Variants in KCNQ1OT1 observed in about 807,000 individuals in gnomAD.
KCNQ1OT1 encodes KCNQ1 opposite strand/antisense transcript 1, also known as KCNQ1 antisense RNA 2 (non-protein coding).
rs1590025224 is a variant in KCNQ1OT1, at chr11:2,676,168, C to T, written n.23827G>A. On this transcript the variant is annotated non_coding_transcript_exon_variant, in exon 1 of 1. Coordinates refer to ENST00000597346, the Ensembl canonical transcript of KCNQ1OT1. This position sits in a 1 kb window ranked among gnomAD's most constrained non-coding sequence, Gnocchi z 4.2. ...ACTGTATGTATTTTTCTACACTTTG[C>T]CTTTGACTTCTTCCATAGGTATGCC... The T allele has an allele frequency of 5.0e-6, 2 of 398,388 alleles. No homozygotes were observed. The highest frequency in any genetic ancestry group is 2.5e-4 in the South Asian group (2 of 7,864). The allele number at this position is 398,388 out of a possible 1,614,324, so 24.7% of individuals were successfully genotyped here. A position where few individuals can be genotyped will look rare whatever the true frequency, so the allele number is the denominator to read the frequency against.
At chr11:2,644,835 G>A (rs1849642012) in exon 1 of KCNQ1OT1, 1 of 398,582 alleles carries the variant, frequency 2.5e-6, no homozygotes, top group Admixed American at 4.4e-5. Flanking sequence ...TAGTGTCTGG[G>A]AGTTCCTCTG....
At chr11:2,699,102 C>T (rs1028251946) in exon 1 of KCNQ1OT1, 3 of 398,530 alleles carry the variant, frequency 7.5e-6, no homozygotes, top group East Asian at 3.6e-5. Flanking sequence ...CCCAATAGCG[C>T]GGACTCAGAA....
rs1217623182 is a variant in KCNQ1OT1, at chr11:2,690,363, A to T, written n.9632T>A. On this transcript the variant is annotated non_coding_transcript_exon_variant, in exon 1 of 1. Transcript: ENST00000597346. The surrounding 1 kb of genome is among the most constrained non-coding windows in gnomAD (Gnocchi z 5.1). ...CTGCCCTGCAGCTGCTGTTTCCACT[A>T]CTTGGCATGGAACATGTGCCAGACC... 5.0e-6 allele frequency: 2 copies of T among 398,514 alleles called. No individual in the cohort carries two copies. Among genetic ancestry groups the T allele is most frequent in the Non-Finnish European group, 8.8e-6 (2 of 226,098 alleles). 24.7% of individuals were successfully genotyped at this position (398,514 alleles called of 1,614,324 possible).
chr11:2,661,539 C>G lies in KCNQ1OT1; in HGVS notation n.38456G>C. ...CTATCACCCCATCTTTCCTGACCCA[C>G]TACTCTGTCAATGTATGAGTGTGAC... On this transcript the variant is annotated non_coding_transcript_exon_variant, in exon 1 of 1. Transcript: ENST00000597346. The surrounding 1 kb of genome is among the most constrained non-coding windows in gnomAD (Gnocchi z 5.9). 2 of 501,524 alleles carry G rather than the reference C, an allele frequency of 4.0e-6. No homozygotes were observed. The highest frequency in any genetic ancestry group is 7.0e-6 in the Non-Finnish European group (2 of 285,014). The allele number at this position is 501,524 out of a possible 1,614,324, so 31.1% of individuals were successfully genotyped here.
At position 2,624,000 on chromosome 11, in the gene KCNQ1OT1, G is replaced by A. The variant is rs140622592; in HGVS notation, n.75995C>T. On this transcript the variant is annotated non_coding_transcript_exon_variant, in exon 1 of 1. Transcript: ENST00000597346. This position sits in a 1 kb window ranked among gnomAD's most constrained non-coding sequence, Gnocchi z 5.2. ...CTTTACATTCCCATTAATGGTATATGTCAAAGTGGCTGTACCATTTTGCAT... is the reference window on the plus strand; with the variant it reads ...CTTTACATTCCCATTAATGGTATATATCAAAGTGGCTGTACCATTTTGCAT... 7.5e-6 allele frequency: 3 copies of A among 399,042 alleles called. No homozygotes were observed. Among genetic ancestry groups the A allele is most frequent in the African/African-American group, 2.1e-5 (1 of 48,736 alleles). 24.7% of individuals were successfully genotyped at this position (399,042 alleles called of 1,614,324 possible). A position where few individuals can be genotyped will look rare whatever the true frequency, so the allele number is the denominator to read the frequency against.
exon 1 of KCNQ1OT1, chr11:2,632,564 G>A (rs1212849646): frequency 1.3e-5 from 5 of 398,056 alleles, no homozygotes; most frequent in Non-Finnish European, 1.8e-5. Context: ...AGATATTTAT[G>A]GGATATACAC....
rs1849262512 is a variant in KCNQ1OT1, at chr11:2,626,378, T to C, written n.73617A>G. The stretch of plus-strand genomic sequence containing the variant: ...GCACCATTTGTTGAAAATACAGCAC[T>C]TTCCCTATTGAATGGTCTTGGCACT... On this transcript the variant is annotated non_coding_transcript_exon_variant, in exon 1 of 1. Coordinates refer to ENST00000597346, the Ensembl canonical transcript of KCNQ1OT1. This position sits in a 1 kb window ranked among gnomAD's most constrained non-coding sequence, Gnocchi z 4.0. 2 of 398,518 alleles carry C rather than the reference T, an allele frequency of 5.0e-6. No homozygotes were observed. The allele number at this position is 398,518 out of a possible 1,614,324, so 24.7% of individuals were successfully genotyped here.
At chr11:2,693,442 C>A (rs992604225) in exon 1 of KCNQ1OT1, 22 of 398,522 alleles carry the variant, frequency 5.5e-5, no homozygotes, top group Non-Finnish European at 9.3e-5. Context: ...CGCTGGCCCC[C>A]CATCGAGTCC....
exon 1 of KCNQ1OT1, chr11:2,628,027 C>T: frequency 5.0e-6 from 2 of 398,672 alleles, no homozygotes; most frequent in Non-Finnish European, 8.8e-6. Flanking sequence ...ACTGGGATTA[C>T]AGGTACAAGC....
At position 2,658,440 on chromosome 11, in the gene KCNQ1OT1, T is replaced by C; in HGVS notation, n.41555A>G. On this transcript the variant is annotated non_coding_transcript_exon_variant, in exon 1 of 1. Coordinates refer to ENST00000597346, the Ensembl canonical transcript of KCNQ1OT1. This position sits in a 1 kb window ranked among gnomAD's most constrained non-coding sequence, Gnocchi z 4.9. Reference sequence around the variant, plus strand: ...TGTTCAAGCTGTGGCCACTGGTGGGTTCATGTGTCCTTTTGATGTGCCCCC... The same window carrying C: ...TGTTCAAGCTGTGGCCACTGGTGGGCTCATGTGTCCTTTTGATGTGCCCCC... The C allele has an allele frequency of 2.5e-6, 1 of 398,550 alleles. No homozygotes were observed. Among genetic ancestry groups the C allele is most frequent in the Non-Finnish European group, 4.4e-6 (1 of 226,044 alleles). The allele number at this position is 398,550 out of a possible 1,614,324, so 24.7% of individuals were successfully genotyped here. A position where few individuals can be genotyped will look rare whatever the true frequency, so the allele number is the denominator to read the frequency against.
chr11:2,662,456 G>T (rs1006411349), exon 1 of KCNQ1OT1: 12 of 477,976 alleles, frequency 2.5e-5, no homozygotes, highest in Non-Finnish European at 4.0e-5. Context: ...AAAGCCATGG[G>T]GCAGATGCCG....
Position 2,676,202 on chromosome 11 carries a change from T to G in KCNQ1OT1, n.23793A>C. The G allele has an allele frequency of 2.5e-6, 1 of 398,662 alleles. No homozygotes were observed. Among genetic ancestry groups the G allele is most frequent in the Non-Finnish European group, 4.4e-6 (1 of 226,070 alleles). The allele number at this position is 398,662 out of a possible 1,614,324, so 24.7% of individuals were successfully genotyped here. On this transcript the variant is annotated non_coding_transcript_exon_variant, in exon 1 of 1. Coordinates refer to ENST00000597346, the Ensembl canonical transcript of KCNQ1OT1. The surrounding 1 kb of genome is among the most constrained non-coding windows in gnomAD (Gnocchi z 4.2). ...TCTTCCATAGGTATGCCATACTTCTTTTTGAGCTGTACATACAATGCTGAT... is the reference window on the plus strand; with the variant it reads ...TCTTCCATAGGTATGCCATACTTCTGTTTGAGCTGTACATACAATGCTGAT...
chr11:2,627,828 G>A lies in KCNQ1OT1; in HGVS notation n.72167C>T, dbSNP rs181209905. 235 of 398,472 alleles carry A rather than the reference G, an allele frequency of 5.9e-4. 2 individuals carry two copies. The highest frequency in any genetic ancestry group is 4.4e-3 in the African/African-American group (212 of 48,720). The allele number at this position is 398,472 out of a possible 1,614,324, so 24.7% of individuals were successfully genotyped here. On this transcript the variant is annotated non_coding_transcript_exon_variant, in exon 1 of 1. Transcript: ENST00000597346. This position sits in a 1 kb window ranked among gnomAD's most constrained non-coding sequence, Gnocchi z 4.9. ...TACAGTGGCACAATCACAGTTCACT[G>A]TAGCCTCAACCTCATGGGCTCAAGT...
At chr11:2,640,336 G>A (rs997015741) in exon 1 of KCNQ1OT1, 32 of 398,276 alleles carry the variant, frequency 8.0e-5, no homozygotes, top group Middle Eastern at 6.2e-4. Flanking sequence ...CCTCCTATTC[G>A]GCCATCTTGG....
rs1341505583 is a variant in KCNQ1OT1 at position 2,651,735 on chromosome 11, G to A, written n.48260C>T. The stretch of plus-strand genomic sequence containing the variant: ...GTAAGCATCATCCTCATTTCTATAC[G>A]TTTTCTCTGATTACTGGAAATTCCT... On this transcript the variant is annotated non_coding_transcript_exon_variant, in exon 1 of 1. Transcript: ENST00000597346. This position sits in a 1 kb window ranked among gnomAD's most constrained non-coding sequence, Gnocchi z 6.1. The A allele has an allele frequency of 2.0e-5, 8 of 398,374 alleles. No homozygotes were observed. The highest frequency in any genetic ancestry group is 3.6e-5 in the East Asian group (1 of 28,090). The allele number at this position is 398,374 out of a possible 1,614,324, so 24.7% of individuals were successfully genotyped here. A position where few individuals can be genotyped will look rare whatever the true frequency, so the allele number is the denominator to read the frequency against.
rs972958679 is a variant in KCNQ1OT1, at chr11:2,674,062, C to T, written n.25933G>A. Reference sequence around the variant, plus strand: ...GCCCCTCATTTGTACTTGCTGGCTGCCCCATGGGGGCTTGGGCTAGGTCTC... The same window carrying T: ...GCCCCTCATTTGTACTTGCTGGCTGTCCCATGGGGGCTTGGGCTAGGTCTC... On this transcript the variant is annotated non_coding_transcript_exon_variant, in exon 1 of 1. Transcript: ENST00000597346. The surrounding 1 kb of genome is among the most constrained non-coding windows in gnomAD (Gnocchi z 5.9). 2.5e-5 allele frequency: 10 copies of T among 398,502 alleles called. No homozygotes were observed. The highest frequency in any genetic ancestry group is 2.1e-4 in the African/African-American group (10 of 48,600). The allele number at this position is 398,502 out of a possible 1,614,324, so 24.7% of individuals were successfully genotyped here.
rs183146623 is a variant in KCNQ1OT1, at chr11:2,642,149, A to T, written n.57846T>A. The T allele has an allele frequency of 2.5e-6, 1 of 398,198 alleles. No individual in the cohort carries two copies. Among genetic ancestry groups the T allele is most frequent in the Admixed American group, 4.4e-5 (1 of 22,712 alleles). The allele number at this position is 398,198 out of a possible 1,614,324, so 24.7% of individuals were successfully genotyped here. On this transcript the variant is annotated non_coding_transcript_exon_variant, in exon 1 of 1. Coordinates refer to ENST00000597346, the Ensembl canonical transcript of KCNQ1OT1. The surrounding 1 kb of genome is among the most constrained non-coding windows in gnomAD (Gnocchi z 4.3). ...GAATTTTAGGATTTTTTCTATTTCCATGAAAAATGGCATTGGTATTTTGAG... is the reference window on the plus strand; with the variant it reads ...GAATTTTAGGATTTTTTCTATTTCCTTGAAAAATGGCATTGGTATTTTGAG...
At chr11:2,684,040 C>A in exon 1 of KCNQ1OT1, 1 of 398,562 alleles carries the variant, frequency 2.5e-6, no homozygotes, top group East Asian at 3.6e-5. Context: ...TTCATCCTCC[C>A]CCTTTATCAA....
chr11:2,685,006 C>A, exon 1 of KCNQ1OT1: 1 of 398,658 alleles, frequency 2.5e-6, no homozygotes, highest in Non-Finnish European at 4.4e-6. Flanking sequence ...TCATTCATAT[C>A]TTCTTGCCAT....
Sources: allele counts gnomAD v4.1 joint callset, GRCh38; gene constraint gnomAD v4.1.1; non-coding constraint Gnocchi (gnomAD v3.1); transcripts MANE v1.5; gene names NCBI Gene and HGNC (gene_info 2026-07-23, HGNC 2026-07-21).